VRK3: variants seen among roughly 807,000 people sequenced by gnomAD.
VRK3 encodes the protein VRK serine/threonine kinase 3, also known as serine/threonine-protein kinase VRK3.
A neutral mutation model predicts 60.4 loss-of-function variants in VRK3; 50 were observed. The ratio of observed to expected loss-of-function variants is 0.83; its 90% CI spans 0.66 to 1.05. The LOEUF is 1.05. Ranked by LOEUF, VRK3 falls within the 50% of genes least tolerant of loss-of-function variation. VRK3 has a pLI of 0.00. For missense variants in VRK3, 549 were observed against 585.3 expected (o/e 0.94, Z 0.64); for synonymous variants, 246 against 227.8 (o/e 1.08, Z -0.72).
intron 2 of VRK3, among the ~76,000 whole-genome samples, chr19:50,017,569 T>C (rs10423821): frequency 0.053 from 5,318 of 100,766 alleles, 442 homozygotes; most frequent in African/African-American, 0.21. Context: ...AGTGAAACTC[T>C]GCCTCAAAAA....
intron 12 of VRK3, chr19:49,981,853 G>A (rs1452148031): frequency 8.4e-7 from 1 of 1,197,380 alleles, no homozygotes; most frequent in Non-Finnish European, 1.1e-6. Flanking sequence ...AGGGGCCAAT[G>A]GGCGGTATCC....
Position 49,997,535 on chromosome 19 carries a change from G to GTTC in VRK3, c.645_647dup (p.Gln215_Asn216insLys). ...GAGGCTTGGCGGCCCGCTGGAAGAA[G>GTTC]TTCTGCTCATTGAACAAGCGCCCAT... On this transcript the variant is annotated inframe_insertion, in exon 7 of 15. Coordinates refer to ENST00000316763, the MANE Select transcript of VRK3 (RefSeq NM_016440.4). 6.2e-7 allele frequency: 1 copy of GTTC among 1,614,010 alleles called. No homozygotes were observed. Among genetic ancestry groups the GTTC allele is most frequent in the Non-Finnish European group, 8.5e-7 (1 of 1,179,926 alleles).
chr19:49,990,313 C>T (rs908194965), intron 10 of VRK3, among the ~76,000 whole-genome samples: 1 of 152,200 alleles, frequency 6.6e-6, no homozygotes, highest in East Asian at 1.9e-4. Context: ...TCTTATAAGG[C>T]TTAACTGAGT....
intron 1 of VRK3, among the ~76,000 whole-genome samples, chr19:50,024,238 A>G (rs1326013361): frequency 6.6e-6 from 1 of 152,166 alleles, no homozygotes; most frequent in Non-Finnish European, 1.5e-5. Flanking sequence ...GTGCCCAGCC[A>G]AATTTTTTGG....
chr19:50,007,801 G>A lies in VRK3; in HGVS notation c.315C>T (p.Pro105=), dbSNP rs1477115270. 2 of 1,614,124 alleles carry A rather than the reference G, an allele frequency of 1.2e-6. No individual in the cohort carries two copies. Among genetic ancestry groups the A allele is most frequent in the African/African-American group, 1.3e-5 (1 of 74,936 alleles). Residue 105 remains proline, a synonymous_variant, in exon 5 of 15, where the codon CCC becomes CCT. Coordinates refer to ENST00000316763, the MANE Select transcript of VRK3 (RefSeq NM_016440.4). The part of the protein sequence containing the change: ...SKGSGSRPPT[P]KSSPQKTRKS... ...TCCTGGTCTTCTGAGGGCTGCTTTT[G>A]GGGGTTGGGGGTCTGCTCCCGGAGC...
chr19:50,007,000 C>T (rs535275800), intron 5 of VRK3, among the ~76,000 whole-genome samples: 2 of 152,264 alleles, frequency 1.3e-5, no homozygotes, highest in South Asian at 4.1e-4. Context: ...TGCAGAAACC[C>T]TGAGCCCAGC....
Position 50,016,129 on chromosome 19 carries a change from T to C in VRK3, c.34A>G (p.Ile12Val). ...ISFCPDCGKS[I>V]QAAFKFCPYC... ...GGGCAGAATTTGAATGCCGCTTGGA[T>C]ACTTTTGCCACAGTCTGGACAGAAG... Residue 12 changes from isoleucine to valine, a missense_variant, in exon 3 of 15, where the codon ATC (isoleucine) becomes GTC (valine). Physicochemically the swap from Ile to Val is conservative, Grantham distance 29. Coordinates refer to ENST00000316763, the MANE Select transcript of VRK3 (RefSeq NM_016440.4). 1 of 1,614,238 alleles carries C rather than the reference T, an allele frequency of 6.2e-7. No homozygotes were observed. The highest frequency in any genetic ancestry group is 8.5e-7 in the Non-Finnish European group (1 of 1,180,046).
chr19:49,977,399 G>A (rs752856346), intron 14 of VRK3, among the ~76,000 whole-genome samples: 9 of 152,120 alleles, frequency 5.9e-5, no homozygotes, highest in Non-Finnish European at 1.0e-4. Flanking sequence ...CAGGGAGCGC[G>A]TGGGTGTGAG....
At chr19:50,017,789 C>G (rs922656413) in intron 2 of VRK3, among the ~76,000 whole-genome samples, 3 of 151,948 alleles carry the variant, frequency 2.0e-5, no homozygotes, top group African/African-American at 7.3e-5. Flanking sequence ...TCCCAGGTAG[C>G]TGGAACTATA....
At chr19:49,983,931 G>A (rs2076468248) in intron 12 of VRK3, among the ~76,000 whole-genome samples, 1 of 150,222 alleles carries the variant, frequency 6.7e-6, no homozygotes, top group Non-Finnish European at 1.5e-5. Flanking sequence ...GCATTTTTGT[G>A]CGCCTGGCCC....
In VRK3 at chr19:49,980,999, G is replaced by A. The variant is rs138618692; in HGVS notation, c.1232C>T (p.Pro411Leu). The change falls in exon 13 of 15, where the codon CCG (proline) becomes CTG (leucine). Residue 411 changes from proline (P) to leucine (L), a missense_variant. By Grantham distance (98) the Pro-to-Leu change is moderately conservative (BLOSUM62 -3). Transcript: ENST00000316763. ...ACCGCAGGGTCCCACGAAGGGCCCC[G>A]GCTTATCAACAAACCTGAAGGGACA... ...MKQKQKFVDK[P>L]GPFVGPCGHW... The A allele has an allele frequency of 1.4e-4, 225 of 1,612,330 alleles. 1 individual carries two copies. The highest frequency in any genetic ancestry group is 1.5e-4 in the Admixed American group (9 of 59,790).
intron 3 of VRK3, among the ~76,000 whole-genome samples, chr19:50,012,492 A>C (rs542858773): frequency 6.6e-6 from 1 of 152,202 alleles, no homozygotes; most frequent in African/African-American, 2.4e-5. Context: ...CGGGACAAAT[A>C]CAGCACCTCA....
At chr19:50,003,234 C>G (rs2076838339) in intron 5 of VRK3, among the ~76,000 whole-genome samples, 1 of 152,188 alleles carries the variant, frequency 6.6e-6, no homozygotes, top group Non-Finnish European at 1.5e-5. Flanking sequence ...CCTCCGGCCT[C>G]CAGAAGGAAT....
intron 10 of VRK3, among the ~76,000 whole-genome samples, chr19:49,991,455 C>A (rs1244871350): frequency 1.3e-5 from 2 of 152,054 alleles, no homozygotes; most frequent in Non-Finnish European, 2.9e-5. Context: ...AGATTGCAAA[C>A]TGAAGAATCT....
chr19:49,993,310 G>C (rs1211567234), intron 9 of VRK3, among the ~76,000 whole-genome samples: 3 of 152,188 alleles, frequency 2.0e-5, no homozygotes, highest in Non-Finnish European at 4.4e-5. Context: ...ACCTGTCCTA[G>C]AGAGCAGAAA....
At chr19:49,989,317 G>A (rs187421414) in intron 11 of VRK3, among the ~76,000 whole-genome samples, 2 of 152,280 alleles carry the variant, frequency 1.3e-5, no homozygotes, top group East Asian at 1.9e-4. Context: ...CACTCCAGAT[G>A]TGGTGGCCAA....
At chr19:49,995,079 G>C (rs2076678371) in intron 8 of VRK3, 112 bp downstream of exon 8, 1 of 1,318,950 alleles carries the variant, frequency 7.6e-7, no homozygotes, top group South Asian at 1.3e-5. Flanking sequence ...ACTACGAGAA[G>C]GCAGGAAGCA....
intron 12 of VRK3, among the ~76,000 whole-genome samples, chr19:49,984,179 G>A (rs562475863): frequency 6.6e-6 from 1 of 152,108 alleles, no homozygotes; most frequent in East Asian, 1.9e-4. Flanking sequence ...TCAACCGAGG[G>A]GAGCCTTGGA....
intron 5 of VRK3, among the ~76,000 whole-genome samples, chr19:50,001,777 C>G (rs569737673): frequency 6.6e-6 from 1 of 152,290 alleles, no homozygotes; most frequent in South Asian, 2.1e-4. Context: ...GGGTTCAAAT[C>G]CCAGCTCCTC....
Sources: gnomAD v4.1 joint callset for allele counts (sites outside exome capture counted in the v4.1 genomes callset) on GRCh38, gnomAD v4.1.1 for gene constraint, MANE v1.5 for transcripts, NCBI Gene and HGNC (gene_info 2026-07-23, HGNC 2026-07-21) for gene names.